The following GLMN variants were observed in gnomAD, a reference collection of about 807,000 sequenced individuals.
GLMN encodes the protein glomulin.
Under a neutral mutation model 87.8 loss-of-function variants are expected in GLMN, and 75 were observed. The ratio of observed to expected loss-of-function variants is 0.85; its 90% CI spans 0.71 to 1.04. The LOEUF (loss-of-function observed/expected upper bound fraction) is 1.04, where lower values mean the gene tolerates loss of function less well. Ranked by LOEUF, GLMN falls within the 50% of genes least tolerant of loss-of-function variation. The pLI is 0.00. For missense variants in GLMN, 588 were observed against 658.8 expected, an observed-to-expected ratio of 0.89 and a Z score of 1.18; for synonymous variants, 206 against 221.6, an observed-to-expected ratio of 0.93 and a Z score of 0.63.
chr1:92,271,447 C>T lies in GLMN; in HGVS notation c.923+18G>A. 6.3e-7 allele frequency: 1 copy of T among 1,591,396 alleles called. No homozygotes were observed. Among genetic ancestry groups the T allele is most frequent in the Non-Finnish European group, 8.6e-7 (1 of 1,160,512 alleles). On this transcript the variant is annotated intron_variant, in intron 8 of 18. Transcript: ENST00000370360. ...ATTCCTTTTAGAATACATGAATAAACCAAACACTAACTCTTACCTTAAGAC... is the reference window on the plus strand; with the variant it reads ...ATTCCTTTTAGAATACATGAATAAATCAAACACTAACTCTTACCTTAAGAC...
chr1:92,308,054 A>G, the GLMN span, among the ~76,000 whole-genome samples: 3 of 152,068 alleles, frequency 2.0e-5, no homozygotes, highest in African/African-American at 7.2e-5. Flanking sequence ...AATGAGATGC[A>G]GGTTAGCTAA....
chr1:92,250,463 T>C (rs1653317290), intron 16 of GLMN, among the ~76,000 whole-genome samples: 1 of 152,274 alleles, frequency 6.6e-6, no homozygotes, highest in East Asian at 1.9e-4. Context: ...TATCCTAAGT[T>C]TTTAGTATTT....
chr1:92,259,201 G>A (rs1654669088), intron 16 of GLMN, among the ~76,000 whole-genome samples: 1 of 151,872 alleles, frequency 6.6e-6, no homozygotes, highest in East Asian at 1.9e-4. Flanking sequence ...CATGATTATT[G>A]GATATGTATT....
intron 3 of GLMN, among the ~76,000 whole-genome samples, chr1:92,292,658 C>T (rs1368981311): frequency 2.0e-5 from 3 of 146,432 alleles, no homozygotes; most frequent in East Asian, 2.1e-4. Context: ...CTCCTGACCT[C>T]GTGATCCGCC....
At chr1:92,343,837 T>C in the GLMN span, among the ~76,000 whole-genome samples, 1 of 152,150 alleles carries the variant, frequency 6.6e-6, no homozygotes, top group African/African-American at 2.4e-5. Context: ...AGAGGGCAAG[T>C]TGTACTTTTT....
upstream of GLMN, chr1:92,299,203 A>T (rs1650586728): frequency 1.8e-6 from 2 of 1,118,872 alleles, no homozygotes; most frequent in South Asian, 3.5e-5. Flanking sequence ...CCCGATCTCG[A>T]GTTATAGACC....
chr1:92,317,950 T>G, the GLMN span, among the ~76,000 whole-genome samples: 3 of 152,332 alleles, frequency 2.0e-5, no homozygotes, highest in Non-Finnish European at 4.4e-5. Context: ...CTTCAAGATC[T>G]TGAAATAAGA....
At chr1:92,321,474 A>G in the GLMN span, among the ~76,000 whole-genome samples, 20 of 151,816 alleles carry the variant, frequency 1.3e-4, no homozygotes, top group East Asian at 3.5e-3. Context: ...ATATATATAT[A>G]TATTTTTTTC....
chr1:92,280,062 T>A (rs1179178258), intron 7 of GLMN, among the ~76,000 whole-genome samples: 2 of 152,246 alleles, frequency 1.3e-5, no homozygotes, highest in East Asian at 3.8e-4. Flanking sequence ...GCAGACAGCT[T>A]CTGCAGACTT....
At chr1:92,302,726 C>T (rs1296075398), upstream of GLMN, among the ~76,000 whole-genome samples, 1 of 150,790 alleles carries the variant, frequency 6.6e-6, no homozygotes, top group Non-Finnish European at 1.5e-5. Context: ...CTCAGCCTCC[C>T]GAGTAGCTGG....
At chr1:92,359,967 A>G in the GLMN span, among the ~76,000 whole-genome samples, 1 of 146,396 alleles carries the variant, frequency 6.8e-6, no homozygotes, top group Non-Finnish European at 1.5e-5. Flanking sequence ...TAGACTCTAC[A>G]TTATTTTATT....
At chr1:92,298,365 A>G (rs1650411615) in intron 1 of GLMN, among the ~76,000 whole-genome samples, 2 of 152,194 alleles carry the variant, frequency 1.3e-5, no homozygotes, top group Admixed American at 1.3e-4. Flanking sequence ...GAGGCGAGGC[A>G]TATACGAACT....
the GLMN span, among the ~76,000 whole-genome samples, chr1:92,347,093 C>G: frequency 6.6e-6 from 1 of 152,294 alleles, no homozygotes; most frequent in South Asian, 2.1e-4. Context: ...GAGCCAGAAT[C>G]TGTGTCACCC....
the GLMN span, among the ~76,000 whole-genome samples, chr1:92,337,718 T>C: frequency 6.6e-6 from 1 of 152,074 alleles, no homozygotes; most frequent in African/African-American, 2.4e-5. Context: ...TATTGGATTA[T>C]TATATATCTG....
the GLMN span, among the ~76,000 whole-genome samples, chr1:92,340,572 A>G: frequency 6.6e-6 from 1 of 152,234 alleles, no homozygotes; most frequent in African/African-American, 2.4e-5. Flanking sequence ...TTTAACAACT[A>G]TAGATGTCCG....
chr1:92,304,722 T>C, the GLMN span, among the ~76,000 whole-genome samples: 1 of 152,190 alleles, frequency 6.6e-6, no homozygotes, highest in Admixed American at 6.5e-5. Flanking sequence ...GATTTTTCAA[T>C]AAATTATACT....
At chr1:92,306,714 C>T in the GLMN span, among the ~76,000 whole-genome samples, 43 of 152,148 alleles carry the variant, frequency 2.8e-4, no homozygotes, top group African/African-American at 9.4e-4. Flanking sequence ...GGTGGCACGC[C>T]TGTAGTCCAA....
At chr1:92,338,215 G>C in the GLMN span, among the ~76,000 whole-genome samples, 1 of 152,100 alleles carries the variant, frequency 6.6e-6, no homozygotes, top group South Asian at 2.1e-4. Flanking sequence ...TGAATGATAT[G>C]ATTGTTCTAA....
chr1:92,299,190 G>T (rs1302807456), upstream of GLMN: 2 of 1,257,558 alleles, frequency 1.6e-6, no homozygotes, highest in Admixed American at 2.7e-5. Flanking sequence ...CTGAAAGCTG[G>T]GCCCCGATCT....
Sources: gnomAD v4.1 joint callset for allele counts (sites outside exome capture counted in the v4.1 genomes callset) on GRCh38, gnomAD v4.1.1 for gene constraint, MANE v1.5 for transcripts, NCBI Gene and HGNC (gene_info 2026-07-23, HGNC 2026-07-21) for gene names.